Variants in ARHGEF4 observed in about 807,000 individuals in gnomAD.
ARHGEF4 encodes the protein Rho guanine nucleotide exchange factor 4, also known as APC-stimulated guanine nucleotide exchange factor 1.
In ARHGEF4, 119 loss-of-function variants were observed where a neutral mutation model predicts 162.0. The ratio of observed to expected loss-of-function variants is 0.73; its 90% CI spans 0.63 to 0.86. ARHGEF4 has a LOEUF of 0.86. ARHGEF4 is among the 40% of genes least tolerant of loss of function. ARHGEF4 has a pLI of 0.00. For synonymous variants in ARHGEF4, 1,014 were observed against 979.9 expected (o/e 1.03, Z -0.65); for missense variants, 2,488 against 2,456.0 (o/e 1.01, Z -0.28).
Position 130,915,701 on chromosome 2 carries a change from T to A in ARHGEF4, c.1755T>A (p.Gly585=). The A allele has an allele frequency of 6.5e-7, 1 of 1,549,978 alleles. No homozygotes were observed. The change falls in exon 2 of 14, where the codon GGT becomes GGA. Residue 585 remains glycine (G), a synonymous_variant. Coordinates refer to ENST00000409359, the MANE Select transcript of ARHGEF4 (RefSeq NM_001367493.1). ...DPNYREQALQ[G]LSEFKAATVS... ...ACTACAGGGAACAGGCTTTGCAAGGTCTTTCAGAATTCAAGGCAGCCACGG... is the reference window on the plus strand; with the variant it reads ...ACTACAGGGAACAGGCTTTGCAAGGACTTTCAGAATTCAAGGCAGCCACGG...
At chr2:130,845,435 A>G (rs1048684367) in intron 1 of ARHGEF4, among the ~76,000 whole-genome samples, 1 of 151,890 alleles carries the variant, frequency 6.6e-6, no homozygotes, top group African/African-American at 2.4e-5. Flanking sequence ...ATGGGAGCCC[A>G]GTACAGGCAC....
chr2:130,958,949 T>TC (rs1558769904), intron 4 of ARHGEF4, among the ~76,000 whole-genome samples: 1 of 150,902 alleles, frequency 6.6e-6, no homozygotes, highest in African/African-American at 2.4e-5. Context: ...TTTCTTTCTT[T>TC]TTTTTTTTTT....
At chr2:130,867,156 T>A (rs545850879) in intron 1 of ARHGEF4, among the ~76,000 whole-genome samples, 7 of 152,174 alleles carry the variant, frequency 4.6e-5, no homozygotes, top group African/African-American at 1.7e-4. Context: ...AACTGGGGGG[T>A]ATAGAGCTGT....
At chr2:130,870,770 G>A (rs1442819116) in intron 1 of ARHGEF4, among the ~76,000 whole-genome samples, 1 of 152,084 alleles carries the variant, frequency 6.6e-6, no homozygotes, top group Non-Finnish European at 1.5e-5. Context: ...AGCAGCAGAC[G>A]GTCACCCAGC....
At chr2:130,873,536 G>A (rs932774350) in intron 1 of ARHGEF4, among the ~76,000 whole-genome samples, 2 of 150,116 alleles carry the variant, frequency 1.3e-5, no homozygotes, top group East Asian at 2.0e-4. Flanking sequence ...GCAGTGAGCC[G>A]AGACTGCGCC....
intron 3 of ARHGEF4, among the ~76,000 whole-genome samples, chr2:130,939,662 ATAAAT>A (rs961555217): frequency 3.3e-5 from 5 of 152,222 alleles, no homozygotes; most frequent in African/African-American, 9.6e-5. Flanking sequence ...CAGAAAACCT[ATAAAT>A]TAATTTATGG....
At chr2:131,045,752 C>T (rs1691200162) in intron 13 of ARHGEF4, 2 of 1,429,878 alleles carry the variant, frequency 1.4e-6, no homozygotes, top group Admixed American at 5.8e-5. Flanking sequence ...GATGGAGCTG[C>T]TTTCCCCATT....
intron 4 of ARHGEF4, among the ~76,000 whole-genome samples, chr2:130,971,093 A>C (rs1336774976): frequency 1.3e-5 from 2 of 152,222 alleles, no homozygotes; most frequent in Non-Finnish European, 2.9e-5. Flanking sequence ...TAATTTTTTA[A>C]GGTTCAAGAT....
At chr2:130,966,426 C>T (rs1220374704) in intron 4 of ARHGEF4, among the ~76,000 whole-genome samples, 3 of 152,294 alleles carry the variant, frequency 2.0e-5, no homozygotes, top group Middle Eastern at 3.4e-3. Flanking sequence ...TTGGAAAAGG[C>T]TGGTAAGGGA....
intron 1 of ARHGEF4, among the ~76,000 whole-genome samples, chr2:130,881,271 T>A (rs950118915): frequency 6.6e-6 from 1 of 151,780 alleles, no homozygotes; most frequent in South Asian, 2.1e-4. Flanking sequence ...GGTGATCCAC[T>A]CCAAAGTGCT....
chr2:131,002,646 C>T (rs1687852156), intron 4 of ARHGEF4, among the ~76,000 whole-genome samples: 1 of 131,126 alleles, frequency 7.6e-6, no homozygotes, highest in Non-Finnish European at 1.6e-5. Context: ...GGAGGCGGAG[C>T]TTGCAGTGAG....
intron 1 of ARHGEF4, among the ~76,000 whole-genome samples, chr2:130,898,377 G>A (rs55636123): frequency 2.0e-5 from 3 of 152,154 alleles, no homozygotes; most frequent in Non-Finnish European, 2.9e-5. Context: ...CGGTTATGTC[G>A]CTTCTCCAGG....
intron 4 of ARHGEF4, among the ~76,000 whole-genome samples, chr2:131,015,869 T>C (rs2105342356): frequency 6.6e-6 from 1 of 152,348 alleles, no homozygotes; most frequent in Non-Finnish European, 1.5e-5. Context: ...TCATTTCGCC[T>C]TCCTTGTTCA....
chr2:131,024,849 C>T (rs1689375724), intron 4 of ARHGEF4, among the ~76,000 whole-genome samples: 1 of 152,174 alleles, frequency 6.6e-6, no homozygotes, highest in Non-Finnish European at 1.5e-5. Flanking sequence ...AATGAATATA[C>T]AACGTTCCTT....
intron 3 of ARHGEF4, among the ~76,000 whole-genome samples, chr2:130,936,081 C>A (rs1682927216): frequency 6.6e-6 from 1 of 152,150 alleles, no homozygotes; most frequent in African/African-American, 2.4e-5. Flanking sequence ...AAAAAATCTA[C>A]TGAAACTTGT....
chr2:130,898,258 G>T (rs1267077123), intron 1 of ARHGEF4, among the ~76,000 whole-genome samples: 3 of 152,158 alleles, frequency 2.0e-5, no homozygotes, highest in Non-Finnish European at 4.4e-5. Flanking sequence ...TGTGCAGCTG[G>T]CTGACAATGT....
intron 4 of ARHGEF4, among the ~76,000 whole-genome samples, chr2:130,988,897 TATATAGAGAGAG>T (rs1270374277): frequency 0.013 from 1,458 of 111,142 alleles, 4 homozygotes; most frequent in Middle Eastern, 0.027. Flanking sequence ...TATATATATA[TATATAGAGAGAG>T]AGAGAGAGAG....
chr2:130,907,170 T>C (rs983093634), intron 1 of ARHGEF4, among the ~76,000 whole-genome samples: 8 of 152,144 alleles, frequency 5.3e-5, no homozygotes, highest in Admixed American at 2.6e-4. Context: ...AATGCACTTA[T>C]GGTCCTTCCA....
intron 4 of ARHGEF4, among the ~76,000 whole-genome samples, chr2:130,954,160 C>G (rs1391061802): frequency 1.3e-5 from 2 of 152,210 alleles, no homozygotes; most frequent in Non-Finnish European, 2.9e-5. Flanking sequence ...ACCCAAATGT[C>G]TGTCAGTAAT....
Sources: allele counts gnomAD v4.1 joint callset (sites outside exome capture counted in the v4.1 genomes callset), GRCh38; gene constraint gnomAD v4.1.1; transcripts MANE v1.5; gene names NCBI Gene and HGNC (gene_info 2026-07-23, HGNC 2026-07-21).